Variants in EPB41 observed in about 807,000 individuals in gnomAD.
The protein encoded by EPB41 is erythrocyte membrane protein band 4.1.
Under a neutral mutation model 108.0 loss-of-function variants are expected in EPB41, and 65 were observed. The ratio of observed to expected loss-of-function variants is 0.60; its 90% CI spans 0.49 to 0.74. EPB41 has a LOEUF of 0.74. EPB41 is among the 30% of genes least tolerant of loss of function. The pLI is 0.00. For synonymous variants in EPB41, 336 were observed against 358.9 expected (o/e 0.94, Z 0.72); for missense variants, 875 against 1,037.0 (o/e 0.84, Z 2.15).
chr1:29,057,115 G>A (rs1276750466), intron 12 of EPB41, among the ~76,000 whole-genome samples: 2 of 151,966 alleles, frequency 1.3e-5, no homozygotes, highest in Non-Finnish European at 2.9e-5. Flanking sequence ...AGTGGCTTAC[G>A]CCTGTAATCC....
At chr1:29,013,842 T>G (rs997026810) in intron 5 of EPB41, among the ~76,000 whole-genome samples, 9 of 146,600 alleles carry the variant, frequency 6.1e-5, no homozygotes, top group Non-Finnish European at 1.0e-4. Flanking sequence ...AAGTTTTTTT[T>G]TTTTTTTTTT....
chr1:28,908,261 G>C (rs1331057612), intron 1 of EPB41, among the ~76,000 whole-genome samples: 1 of 151,484 alleles, frequency 6.6e-6, no homozygotes, highest in African/African-American at 2.4e-5. Context: ...AATTAGCTGG[G>C]TGTGACGGCG....
intron 7 of EPB41, among the ~76,000 whole-genome samples, chr1:29,021,840 C>T (rs539979903): frequency 6.6e-6 from 1 of 152,248 alleles, no homozygotes; most frequent in African/African-American, 2.4e-5. Context: ...CCTGGGCCTC[C>T]CAAAGTGCTG....
chr1:29,061,415 G>A (rs951690183), intron 15 of EPB41, among the ~76,000 whole-genome samples: 2 of 151,746 alleles, frequency 1.3e-5, no homozygotes, highest in Non-Finnish European at 1.5e-5. Context: ...GACTACAGGC[G>A]CCCGCCACCT....
chr1:28,965,769 G>C (rs577048639), intron 1 of EPB41, among the ~76,000 whole-genome samples: 3 of 152,186 alleles, frequency 2.0e-5, no homozygotes, highest in African/African-American at 7.2e-5. Context: ...TGTTACCTTT[G>C]TTAGAGACTA....
At chr1:29,008,160 G>T (rs1475106916) in intron 4 of EPB41, among the ~76,000 whole-genome samples, 1 of 151,962 alleles carries the variant, frequency 6.6e-6, no homozygotes, top group Non-Finnish European at 1.5e-5. Context: ...CCACCCAGTT[G>T]CCCAAGCCAG....
chr1:29,078,192 C>T (rs998318100), intron 16 of EPB41, among the ~76,000 whole-genome samples: 4 of 152,072 alleles, frequency 2.6e-5, no homozygotes, highest in Non-Finnish European at 4.4e-5. Context: ...GCACTCCAGC[C>T]TGGGTGAAAG....
At chr1:28,980,843 C>G (rs1470919025) in intron 1 of EPB41, among the ~76,000 whole-genome samples, 1 of 139,054 alleles carries the variant, frequency 7.2e-6, no homozygotes, top group African/African-American at 2.8e-5. Flanking sequence ...GTCACCCAGG[C>G]TGGAATGCAG....
rs574410292 is a variant in EPB41 at position 29,036,693 on chromosome 1, T to C, written c.1463+770T>C. Among the ~76,000 whole-genome samples, 118 of 147,508 alleles carry C rather than the reference T, an allele frequency of 8.0e-4. 3 individuals carry two copies. The East Asian group carries it at 0.014, about 17-fold the overall frequency. ...TGAAGCTGATTTTTTTTTTTTTTTT[T>C]CGAGACAGAGTCTCGCTCTGTCGCC... On this transcript the variant is annotated intron_variant, in intron 10 of 20. Transcript: ENST00000343067.
At chr1:28,912,294 G>A (rs2092296985), upstream of EPB41, among the ~76,000 whole-genome samples, 4 of 152,112 alleles carry the variant, frequency 2.6e-5, no homozygotes, top group Non-Finnish European at 2.9e-5. Flanking sequence ...TAAATATATA[G>A]TAGAAAGTCA....
At chr1:28,989,908 A>G (rs1426525004) in intron 2 of EPB41, among the ~76,000 whole-genome samples, 1 of 152,202 alleles carries the variant, frequency 6.6e-6, no homozygotes. Context: ...CAGTAAAGGC[A>G]AAGAAACCAT....
At chr1:29,041,955 G>A (rs1201097153) in intron 11 of EPB41, among the ~76,000 whole-genome samples, 1 of 152,180 alleles carries the variant, frequency 6.6e-6, no homozygotes, top group Admixed American at 6.5e-5. Context: ...CACTTAATGA[G>A]TTCCCCCCAC....
At chr1:28,914,390 A>AG (rs1195557643), upstream of EPB41, among the ~76,000 whole-genome samples, 2 of 151,858 alleles carry the variant, frequency 1.3e-5, no homozygotes, top group Admixed American at 6.6e-5. Flanking sequence ...GGCCTAGGGG[A>AG]GGGGGGAAAC....
intron 1 of EPB41, among the ~76,000 whole-genome samples, chr1:28,945,611 TTAAGTA>T (rs1454437708): frequency 2.6e-5 from 4 of 152,232 alleles, no homozygotes; most frequent in East Asian, 1.9e-4. Flanking sequence ...AGTGAATATA[TTAAGTA>T]TAAGTGTTTA....
chr1:29,098,768 CTCAG>C (rs1290630846), intron 17 of EPB41, among the ~76,000 whole-genome samples: 2 of 151,508 alleles, frequency 1.3e-5, no homozygotes, highest in Non-Finnish European at 2.9e-5. Flanking sequence ...GAGACGGAGT[CTCAG>C]TCACTCTGTC....
intron 16 of EPB41, among the ~76,000 whole-genome samples, chr1:29,076,558 A>G (rs1654152375): frequency 6.6e-6 from 1 of 152,166 alleles, no homozygotes; most frequent in Non-Finnish European, 1.5e-5. Context: ...AGTAACCTTT[A>G]CATACTGGAG....
chr1:29,005,441 C>G lies in EPB41; in HGVS notation c.787-6424C>G, dbSNP rs185474836. ...ACAATGTCTGCTCCTATTCATTTTACCTCTTTAAATGCCATTTCTGTAGTT... is the reference window on the plus strand; with the variant it reads ...ACAATGTCTGCTCCTATTCATTTTAGCTCTTTAAATGCCATTTCTGTAGTT... On this transcript the variant is annotated intron_variant, in intron 4 of 20. Transcript: ENST00000343067. 3.2e-4 allele frequency among the ~76,000 whole-genome samples: 48 copies of G among 152,332 alleles called. 1 individual carries two copies. Among genetic ancestry groups the G allele is most frequent in the Admixed American group, 3.1e-3 (47 of 15,302 alleles).
chr1:29,016,275 G>A (rs549367548), intron 6 of EPB41, among the ~76,000 whole-genome samples: 2 of 151,828 alleles, frequency 1.3e-5, no homozygotes, highest in East Asian at 1.9e-4. Context: ...TCCTGGGTTC[G>A]AGCGATTCTT....
At chr1:29,080,640 C>T (rs1184616465) in intron 16 of EPB41, among the ~76,000 whole-genome samples, 3 of 151,716 alleles carry the variant, frequency 2.0e-5, no homozygotes, top group Non-Finnish European at 4.4e-5. Context: ...CCACCCTCCC[C>T]AGCCTCCCAA....
Sources: allele counts gnomAD v4.1 joint callset (sites outside exome capture counted in the v4.1 genomes callset), GRCh38; gene constraint gnomAD v4.1.1; transcripts MANE v1.5; gene names NCBI Gene and HGNC (gene_info 2026-07-23, HGNC 2026-07-21).